CASK: variants seen among roughly 807,000 people sequenced by gnomAD.
CASK encodes the protein calcium/calmodulin dependent serine protein kinase.
Under a neutral mutation model 82.9 loss-of-function variants are expected in CASK, and 4 were observed. That is an observed-to-expected ratio of 0.05 (90% confidence interval 0.02 to 0.11). CASK has a LOEUF of 0.11. Among genes scored for constraint, CASK ranks in the 10% least tolerant of loss-of-function variants. The pLI is 1.00. For missense variants in CASK, 358 were observed against 720.9 expected (o/e 0.50, Z 5.76); for synonymous variants, 259 against 253.5 (o/e 1.02, Z -0.20).
At chrX:41,783,356 G>A (rs899571870) in intron 3 of CASK, among the ~76,000 whole-genome samples, 1 of 110,028 alleles carries the variant, frequency 9.1e-6, no homozygotes, top group African/African-American at 3.3e-5. Context: ...CCTGAGGTCA[G>A]GAGTTCGAGA....
intron 9 of CASK, among the ~76,000 whole-genome samples, chrX:41,633,041 C>CAAA (rs1162810871): frequency 8.2e-5 from 5 of 60,864 alleles, no homozygotes; most frequent in East Asian, 6.0e-4. Context: ...AAGACTCTCT[C>CAAA]AAAAAAAAAA....
intron 2 of CASK, among the ~76,000 whole-genome samples, chrX:41,801,877 T>A (rs1351352185): frequency 1.8e-5 from 2 of 111,382 alleles, no homozygotes; most frequent in African/African-American, 6.5e-5. Context: ...AGCCTTTATC[T>A]CTCAGAACCA....
At chrX:41,563,040 C>CAAAAAAA (rs141364032) in intron 16 of CASK, among the ~76,000 whole-genome samples, 12 of 22,180 alleles carry the variant, frequency 5.4e-4, no homozygotes, top group Admixed American at 1.8e-3. Flanking sequence ...GACTCCATCT[C>CAAAAAAA]AAAAAAAAAA....
chrX:41,801,168 A>G (rs944384612), intron 2 of CASK, among the ~76,000 whole-genome samples: 18 of 111,989 alleles, frequency 1.6e-4, no homozygotes, highest in African/African-American at 5.2e-4. Context: ...AGATGTTGGA[A>G]TTAGCAGAAA....
chrX:41,687,199 C>A (rs978149503), intron 5 of CASK, among the ~76,000 whole-genome samples: 1 of 111,933 alleles, frequency 8.9e-6, no homozygotes, highest in South Asian at 3.7e-4. Flanking sequence ...TAGTTAAATG[C>A]CTATTTAGTC....
intron 20 of CASK, among the ~76,000 whole-genome samples, chrX:41,554,348 A>G (rs2065135589): frequency 8.9e-6 from 1 of 111,885 alleles, no homozygotes; most frequent in Non-Finnish European, 1.9e-5. Flanking sequence ...ACCCTAAAGC[A>G]GCACACGATA....
At chrX:41,904,396 T>C (rs2072434830) in intron 1 of CASK, among the ~76,000 whole-genome samples, 1 of 111,426 alleles carries the variant, frequency 9.0e-6, no homozygotes, top group African/African-American at 3.3e-5. Context: ...CAACAATCAA[T>C]CAGAAATTCA....
At chrX:41,879,259 T>C (rs1325638722) in intron 1 of CASK, among the ~76,000 whole-genome samples, 1 of 111,464 alleles carries the variant, frequency 9.0e-6, no homozygotes, top group Non-Finnish European at 1.9e-5. Flanking sequence ...CCCCTACCCT[T>C]ATCCACGTGG....
At chrX:41,579,290 A>G (rs991733084) in intron 14 of CASK, among the ~76,000 whole-genome samples, 3 of 112,450 alleles carry the variant, frequency 2.7e-5, no homozygotes, top group African/African-American at 9.7e-5. Flanking sequence ...CACGTATGAT[A>G]TGGAACTCAA....
At chrX:41,553,692 C>T in intron 21 of CASK, 27 bp downstream of exon 21, 1 of 1,113,792 alleles carries the variant, frequency 9.0e-7, no homozygotes, top group Non-Finnish European at 1.2e-6. Context: ...TATAACCAAG[C>T]AAAGCAAAAC....
chrX:41,564,322 A>G (rs765224796), intron 16 of CASK, among the ~76,000 whole-genome samples: 193 of 112,638 alleles, frequency 1.7e-3, no homozygotes, highest in African/African-American at 5.0e-3. Flanking sequence ...AAAAATCTAC[A>G]TTATTCTTAA....
At chrX:41,787,052 G>T (rs1250347224) in intron 3 of CASK, 126 bp downstream of exon 3, 20 of 516,522 alleles carry the variant, frequency 3.9e-5, no homozygotes, top group Admixed American at 3.0e-4. Flanking sequence ...TTTTTCTTGT[G>T]ACTTTAGGTC....
chrX:41,871,674 C>T (rs1168133458), intron 1 of CASK, among the ~76,000 whole-genome samples: 2 of 111,789 alleles, frequency 1.8e-5, no homozygotes, highest in Non-Finnish European at 3.8e-5. Context: ...AAGTGGTATA[C>T]GGTTTCCCTA....
At chrX:41,731,370 T>C (rs1022039232) in intron 5 of CASK, among the ~76,000 whole-genome samples, 4 of 112,309 alleles carry the variant, frequency 3.6e-5, no homozygotes, top group Admixed American at 9.4e-5. Context: ...AAGTGAGCCA[T>C]GATTGCACCA....
At chrX:41,703,032 T>C (rs995726513) in intron 5 of CASK, among the ~76,000 whole-genome samples, 6 of 112,184 alleles carry the variant, frequency 5.3e-5, no homozygotes, top group African/African-American at 1.9e-4. Context: ...CTTCTAATTA[T>C]GGTTTGGATA....
chrX:41,568,278 T>TAA (rs2065353706), intron 16 of CASK, among the ~76,000 whole-genome samples: 2 of 109,105 alleles, frequency 1.8e-5, no homozygotes, highest in Admixed American at 1.9e-4. Context: ...GAAAGAATGA[T>TAA]GTTGTGGCTT....
chrX:41,738,125 C>T (rs1265582099), intron 5 of CASK, among the ~76,000 whole-genome samples: 1 of 112,780 alleles, frequency 8.9e-6, no homozygotes, highest in Non-Finnish European at 1.9e-5. Flanking sequence ...CAGGCATGTG[C>T]CACCATGCCC....
rs1259841978 is a variant in CASK, at chrX:41,880,138, C to T, written c.60-26911G>A. ...ATAACAACACTGAGAGAGATCAAGG[C>T]ACTTCTCAAGTTGTCATTTTCTCAG... On this transcript the variant is annotated intron_variant, in intron 1 of 26. Coordinates refer to ENST00000378163, the MANE Select transcript of CASK (RefSeq NM_001367721.1). Among the ~76,000 whole-genome samples the T allele has an allele frequency of 2.7e-5, 3 of 111,701 alleles. No individual in the cohort carries two copies. In the East Asian group the frequency reaches 8.4e-4, roughly 31 times the overall value.
At chrX:41,612,450 G>A (rs1168562570) in intron 11 of CASK, among the ~76,000 whole-genome samples, 1 of 107,276 alleles carries the variant, frequency 9.3e-6, no homozygotes, top group African/African-American at 3.4e-5. Context: ...GAAGTGAGGA[G>A]CCCCTCCGCC....
Sources: allele counts gnomAD v4.1 joint callset (sites outside exome capture counted in the v4.1 genomes callset), GRCh38; gene constraint gnomAD v4.1.1; transcripts MANE v1.5; gene names NCBI Gene and HGNC (gene_info 2026-07-23, HGNC 2026-07-21).